Variants in GAS7 observed in about 807,000 individuals in gnomAD.
GAS7 encodes the protein growth arrest-specific protein 7.
GAS7 carries 28 observed loss-of-function variants against 71.1 expected under a neutral mutation model. The observed-to-expected ratio is 0.39, with a 90% CI of 0.29 to 0.54. GAS7 has a LOEUF of 0.54. GAS7 is among the 20% of genes least tolerant of loss of function. The pLI, the probability that GAS7 is intolerant of heterozygous loss-of-function variation, is 0.62. For synonymous variants in GAS7, 258 were observed against 245.8 expected (o/e 1.05, Z -0.46); for missense variants, 436 against 627.8 (o/e 0.69, Z 3.27).
intron 5 of GAS7, among the ~76,000 whole-genome samples, chr17:9,950,806 A>G (rs2152103247): frequency 6.6e-6 from 1 of 152,126 alleles, no homozygotes; most frequent in African/African-American, 2.4e-5. Context: ...CAGTGAGCCG[A>G]GATCGCGCCA....
chr17:10,111,123 G>A (rs1001091144), intron 1 of GAS7, among the ~76,000 whole-genome samples: 9 of 152,156 alleles, frequency 5.9e-5, no homozygotes, highest in African/African-American at 1.7e-4. Context: ...TAAGGGGGCC[G>A]GGTGTCTTGG....
At chr17:10,130,549 C>CT (rs1167207309) in intron 1 of GAS7, among the ~76,000 whole-genome samples, 1 of 152,198 alleles carries the variant, frequency 6.6e-6, no homozygotes, top group Non-Finnish European at 1.5e-5. Context: ...TGTACACAAA[C>CT]GTTCATACCA....
chr17:9,963,602 C>T (rs1029129085), intron 4 of GAS7, among the ~76,000 whole-genome samples: 5 of 151,934 alleles, frequency 3.3e-5, no homozygotes, highest in African/African-American at 4.8e-5. Flanking sequence ...GGTATGGTGG[C>T]GCACACCTGT....
At chr17:10,099,968 C>T (rs2073682807) in intron 1 of GAS7, among the ~76,000 whole-genome samples, 1 of 152,194 alleles carries the variant, frequency 6.6e-6, no homozygotes, top group Non-Finnish European at 1.5e-5. Context: ...ATATTCTTAG[C>T]TTCTTAGACC....
At chr17:9,936,078 A>G (rs537344225) in intron 8 of GAS7, among the ~76,000 whole-genome samples, 1 of 152,318 alleles carries the variant, frequency 6.6e-6, no homozygotes, top group South Asian at 2.1e-4. Context: ...TGGTGCAGAG[A>G]CAACCGTACA....
At chr17:9,938,745 A>C (rs2068491712) in intron 8 of GAS7, among the ~76,000 whole-genome samples, 1 of 152,068 alleles carries the variant, frequency 6.6e-6, no homozygotes, top group Non-Finnish European at 1.5e-5. Flanking sequence ...CCCAAAAGGA[A>C]ACCCGGTAAC....
At chr17:10,158,949 C>T (rs747622019) in intron 1 of GAS7, among the ~76,000 whole-genome samples, 16 of 149,958 alleles carry the variant, frequency 1.1e-4, no homozygotes, top group African/African-American at 3.4e-4. Flanking sequence ...CCCAGATACT[C>T]GGGAGGCTGA....
intron 1 of GAS7, among the ~76,000 whole-genome samples, chr17:10,177,255 C>T (rs766992136): frequency 6.6e-6 from 1 of 152,124 alleles, no homozygotes; most frequent in Non-Finnish European, 1.5e-5. Flanking sequence ...TGAGAAGGGC[C>T]TCTAGACAGA....
At chr17:10,074,981 C>T (rs771216176) in intron 1 of GAS7, among the ~76,000 whole-genome samples, 3 of 151,362 alleles carry the variant, frequency 2.0e-5, no homozygotes, top group Non-Finnish European at 4.4e-5. Context: ...AATCTGGATG[C>T]AGAAAAAGCA....
intron 1 of GAS7, among the ~76,000 whole-genome samples, chr17:10,192,146 T>C (rs897407419): frequency 2.0e-5 from 3 of 152,174 alleles, no homozygotes; most frequent in African/African-American, 7.2e-5. Flanking sequence ...CGTCACAACA[T>C]GTTCTGGTCA....
chr17:10,065,896 G>C (rs1307476703), intron 1 of GAS7, among the ~76,000 whole-genome samples: 1 of 152,204 alleles, frequency 6.6e-6, no homozygotes, highest in African/African-American at 2.4e-5. Context: ...TAGCCAGAAT[G>C]TTGGAGCTGG....
At chr17:9,928,665 G>A (rs2068100355) in intron 9 of GAS7, among the ~76,000 whole-genome samples, 1 of 152,188 alleles carries the variant, frequency 6.6e-6, no homozygotes, top group Non-Finnish European at 1.5e-5. Context: ...CTCTCCCTCA[G>A]GTTTTTGCTG....
chr17:10,101,331 G>A (rs948798792), intron 1 of GAS7, among the ~76,000 whole-genome samples: 9 of 152,242 alleles, frequency 5.9e-5, no homozygotes, highest in South Asian at 2.1e-4. Flanking sequence ...TGCCACATGC[G>A]TCTCTCCCTA....
At chr17:10,108,803 C>T (rs1332732370) in intron 1 of GAS7, among the ~76,000 whole-genome samples, 1 of 152,102 alleles carries the variant, frequency 6.6e-6, no homozygotes, top group Non-Finnish European at 1.5e-5. Context: ...AAACTGGACC[C>T]CTATCTCTCA....
intron 1 of GAS7, among the ~76,000 whole-genome samples, chr17:10,166,738 G>A (rs1357188724): frequency 6.6e-6 from 1 of 152,174 alleles, no homozygotes; most frequent in Non-Finnish European, 1.5e-5. Context: ...CTTAGTCAGT[G>A]AAAATACAAG....
At chr17:10,189,153 T>C (rs1000964090) in intron 1 of GAS7, among the ~76,000 whole-genome samples, 5 of 151,928 alleles carry the variant, frequency 3.3e-5, no homozygotes, top group African/African-American at 9.7e-5. Flanking sequence ...ATGGGGAAAA[T>C]ACAAAAGGGA....
rs145712689 is a variant in GAS7, at chr17:10,005,496, G to A, written c.304+14281C>T. On this transcript the variant is annotated intron_variant, in intron 2 of 13. Coordinates refer to ENST00000432992, the MANE Select transcript of GAS7 (RefSeq NM_201433.2). ...GAAAACACATGCATGAAGCCCAGTT[G>A]AGTATTAAAAAAAATGGCAGGTAGT... Among the ~76,000 whole-genome samples, 231 of 137,104 alleles carry A rather than the reference G, an allele frequency of 1.7e-3. 1 individual carries two copies. Among genetic ancestry groups the A allele is most frequent in the African/African-American group, 7.5e-3 (218 of 29,098 alleles). 89.9% of individuals were successfully genotyped at this position (137,104 alleles called of 152,430 possible).
intron 1 of GAS7, among the ~76,000 whole-genome samples, chr17:10,184,582 G>C (rs1462055246): frequency 6.6e-6 from 1 of 152,216 alleles, no homozygotes; most frequent in Non-Finnish European, 1.5e-5. Context: ...CAGACTGGAA[G>C]CAGTGGCATC....
intron 8 of GAS7, among the ~76,000 whole-genome samples, chr17:9,936,998 T>C (rs1284218628): frequency 6.6e-6 from 1 of 152,268 alleles, no homozygotes; most frequent in Non-Finnish European, 1.5e-5. Context: ...TCTAGACTCC[T>C]GCTTTGCTTT....
Sources: gnomAD v4.1 joint callset for allele counts (sites outside exome capture counted in the v4.1 genomes callset) on GRCh38, gnomAD v4.1.1 for gene constraint, MANE v1.5 for transcripts, NCBI Gene and HGNC (gene_info 2026-07-23, HGNC 2026-07-21) for gene names.